The following BTRC variants were observed in gnomAD, a reference collection of about 807,000 sequenced individuals.
BTRC encodes the protein F-box/WD repeat-containing protein 1A.
BTRC carries 42 observed loss-of-function variants against 85.5 expected under a neutral mutation model. The observed-to-expected ratio is 0.49, with a 90% confidence interval of 0.38 to 0.64. BTRC has a LOEUF of 0.64. Among genes scored for constraint, BTRC ranks in the 30% least tolerant of loss-of-function variants. The pLI is 0.00. For missense variants in BTRC, 594 were observed against 743.5 expected (o/e 0.80, Z 2.34); for synonymous variants, 255 against 263.3 (o/e 0.97, Z 0.30).
At chr10:101,388,910 T>C (rs1943154011) in intron 1 of BTRC, among the ~76,000 whole-genome samples, 1 of 152,178 alleles carries the variant, frequency 6.6e-6, no homozygotes, top group African/African-American at 2.4e-5. Flanking sequence ...TAGAGTTTCT[T>C]AGCCCTTGGG....
At chr10:101,358,369 T>C (rs1228631448) in intron 1 of BTRC, among the ~76,000 whole-genome samples, 4 of 152,196 alleles carry the variant, frequency 2.6e-5, no homozygotes, top group Admixed American at 6.5e-5. Context: ...CCTCCCATTG[T>C]TGGGATTACA....
intron 2 of BTRC, among the ~76,000 whole-genome samples, chr10:101,451,461 A>G (rs1284313199): frequency 6.6e-6 from 1 of 152,200 alleles, no homozygotes; most frequent in Non-Finnish European, 1.5e-5. Flanking sequence ...CTATCTAGGG[A>G]GTTCTTCTAA....
intron 4 of BTRC, among the ~76,000 whole-genome samples, chr10:101,484,767 C>T (rs1225630355): frequency 2.0e-5 from 3 of 152,200 alleles, no homozygotes; most frequent in Non-Finnish European, 4.4e-5. Flanking sequence ...ATGTGTTACA[C>T]ATTGGGCTTA....
At chr10:101,459,522 G>A (rs1049699368) in intron 2 of BTRC, among the ~76,000 whole-genome samples, 1 of 152,174 alleles carries the variant, frequency 6.6e-6, no homozygotes, top group African/African-American at 2.4e-5. Context: ...GATTTCTCAT[G>A]ATGGATGGCC....
intron 4 of BTRC, among the ~76,000 whole-genome samples, chr10:101,510,459 G>A (rs1946673770): frequency 6.6e-6 from 1 of 151,304 alleles, no homozygotes; most frequent in Non-Finnish European, 1.5e-5. Context: ...GCAGTGAGCC[G>A]AGATCGCGCC....
intron 3 of BTRC, among the ~76,000 whole-genome samples, chr10:101,466,551 A>T (rs933775847): frequency 1.3e-5 from 2 of 152,162 alleles, no homozygotes; most frequent in Non-Finnish European, 2.9e-5. Flanking sequence ...GTTTACATTG[A>T]TTAGGGAGGG....
At chr10:101,354,595 GT>G (rs1941978689) in intron 1 of BTRC, 1 of 304,188 alleles carries the variant, frequency 3.3e-6, no homozygotes, top group South Asian at 4.9e-5. Flanking sequence ...GGCCTTCCTG[GT>G]GTCAGGGTTA....
intron 1 of BTRC, among the ~76,000 whole-genome samples, chr10:101,384,133 A>G (rs934241957): frequency 6.6e-6 from 1 of 152,242 alleles, no homozygotes; most frequent in East Asian, 1.9e-4. Flanking sequence ...TCAGTATTTA[A>G]GTAATCTCTG....
At chr10:101,374,214 T>C (rs1355539580) in intron 1 of BTRC, among the ~76,000 whole-genome samples, 1 of 152,026 alleles carries the variant, frequency 6.6e-6, no homozygotes, top group Admixed American at 6.6e-5. Flanking sequence ...CCACATCCTC[T>C]CCAGCACTTG....
At chr10:101,458,920 C>T (rs964272652) in intron 2 of BTRC, among the ~76,000 whole-genome samples, 5 of 152,120 alleles carry the variant, frequency 3.3e-5, no homozygotes, top group Non-Finnish European at 7.3e-5. Context: ...GATTATGTGA[C>T]CATCCTGTTA....
At chr10:101,403,982 C>CTGTG in intron 1 of BTRC, among the ~76,000 whole-genome samples, 1 of 112,270 alleles carries the variant, frequency 8.9e-6, no homozygotes, top group Non-Finnish European at 1.8e-5. Flanking sequence ...TTAATCCTAT[C>CTGTG]TATGTGTATG....
rs962306532 is a variant in BTRC at position 101,555,220 on chromosome 10, G to A, written c.*2097G>A. The stretch of plus-strand genomic sequence containing the variant: ...CACAGGTCAGACATTTAAAAGGCAT[G>A]GGTTTCGAGCTGTCTCAAAATATTG... On this transcript the variant is annotated 3_prime_UTR_variant, in exon 15 of 15. Coordinates refer to ENST00000370187, the MANE Select transcript of BTRC (RefSeq NM_033637.4). 8 of 152,636 alleles carry A rather than the reference G, an allele frequency of 5.2e-5. No individual in the cohort carries two copies. The highest frequency in any genetic ancestry group is 1.2e-4 in the African/African-American group (5 of 41,452). The allele number at this position is 152,636 out of a possible 1,614,324, so 9.5% of individuals were successfully genotyped here.
At chr10:101,429,069 T>A (rs985191686) in intron 1 of BTRC, among the ~76,000 whole-genome samples, 8 of 152,204 alleles carry the variant, frequency 5.3e-5, no homozygotes, top group Non-Finnish European at 1.0e-4. Flanking sequence ...GAAAAAAGTC[T>A]ATGACAATAT....
At chr10:101,544,387 CTTG>C (rs767899552) in intron 13 of BTRC, among the ~76,000 whole-genome samples, 3 of 148,798 alleles carry the variant, frequency 2.0e-5, no homozygotes, top group Admixed American at 6.8e-5. Context: ...AATACTTTCA[CTTG>C]TTGTTTACTT....
intron 2 of BTRC, among the ~76,000 whole-genome samples, chr10:101,436,292 G>C (rs779555109): frequency 6.6e-6 from 1 of 152,122 alleles, no homozygotes; most frequent in Non-Finnish European, 1.5e-5. Flanking sequence ...GAGTAATTAA[G>C]ATTCTTTATT....
chr10:101,550,007 G>A (rs976384534), intron 13 of BTRC, among the ~76,000 whole-genome samples: 7 of 152,032 alleles, frequency 4.6e-5, no homozygotes, highest in Non-Finnish European at 7.4e-5. Context: ...AGCAAAGTTT[G>A]GTTGATAAAC....
At chr10:101,506,707 CTA>C (rs1329071153) in intron 4 of BTRC, among the ~76,000 whole-genome samples, 4 of 152,222 alleles carry the variant, frequency 2.6e-5, no homozygotes, top group African/African-American at 9.6e-5. Flanking sequence ...TCTCAGTTGA[CTA>C]ACCCTAGGTA....
intron 1 of BTRC, among the ~76,000 whole-genome samples, chr10:101,368,121 A>G (rs1211706079): frequency 6.6e-6 from 1 of 152,200 alleles, no homozygotes; most frequent in African/African-American, 2.4e-5. Flanking sequence ...TGCGTTCCTC[A>G]TGAAGGGCTT....
chr10:101,478,865 G>A (rs1198926043), intron 3 of BTRC, among the ~76,000 whole-genome samples: 4 of 150,678 alleles, frequency 2.7e-5, no homozygotes, highest in African/African-American at 9.8e-5. Context: ...CTTGAACCCC[G>A]GAGGCGGAGG....
Sources: gnomAD v4.1 joint callset for allele counts (sites outside exome capture counted in the v4.1 genomes callset) on GRCh38, gnomAD v4.1.1 for gene constraint, MANE v1.5 for transcripts, NCBI Gene and HGNC (gene_info 2026-07-23, HGNC 2026-07-21) for gene names.